Variants in DAB1 observed in about 807,000 individuals in gnomAD.
DAB1 encodes the protein DAB adaptor protein 1.
DAB1 carries 15 observed loss-of-function variants against 64.6 expected under a neutral mutation model. The observed-to-expected ratio is 0.23, with a 90% CI of 0.16 to 0.36. The LOEUF is 0.36. Ranked by LOEUF, DAB1 falls within the 10% of genes least tolerant of loss-of-function variation. DAB1 has a pLI of 1.00. For synonymous variants in DAB1, 235 were observed against 251.9 expected, an observed-to-expected ratio of 0.93 and a Z score of 0.64; for missense variants, 596 against 706.7, an observed-to-expected ratio of 0.84 and a Z score of 1.78.
At chr1:57,572,169 T>A (rs1645200694) in intron 7 of DAB1, among the ~76,000 whole-genome samples, 1 of 152,110 alleles carries the variant, frequency 6.6e-6, no homozygotes, top group Admixed American at 6.5e-5. Flanking sequence ...AAGCTTCAGG[T>A]GTGGGCAAGG....
downstream of DAB1, among the ~76,000 whole-genome samples, chr1:57,822,239 C>G (rs852769): frequency 0.67 from 101,199 of 152,162 alleles, 35,045 homozygotes; most frequent in African/African-American, 0.87. Flanking sequence ...TGCTGTCCAT[C>G]GTAATCATAA....
chr1:57,880,410 A>T (rs773375507), intron 1 of DAB1: 9 of 152,140 alleles, frequency 5.9e-5, no homozygotes, highest in Non-Finnish European at 1.2e-4. Flanking sequence ...TCATTTTCAT[A>T]CACTGTCATT....
At chr1:58,152,446 C>T (rs560323557) in intron 4 of DAB1, among the ~76,000 whole-genome samples, 9 of 152,314 alleles carry the variant, frequency 5.9e-5, no homozygotes, top group African/African-American at 1.9e-4. Context: ...AATGACATTG[C>T]CCATTGGCAC....
At position 57,695,384 on chromosome 1, in the gene DAB1, GAAA is replaced by G. The variant is rs1646826170; in HGVS notation, n.552-45722_552-45720del. 7.3e-4 allele frequency among the ~76,000 whole-genome samples: 55 copies of G among 75,248 alleles called. 3 individuals carry two copies. Among genetic ancestry groups the G allele is most frequent in the African/African-American group, 2.5e-3 (51 of 20,016 alleles). The allele number at this position is 75,248 out of a possible 152,430, so 49.4% of individuals were successfully genotyped here. A position where few individuals can be genotyped will look rare whatever the true frequency, so the allele number is the denominator to read the frequency against. On this transcript the variant is annotated intron_variant and non_coding_transcript_variant, in intron 6 of 20. Transcript: ENST00000485760. ...AAGAAGAAAGAAAGAAAGAAAGAAA[GAAA>G]GAAAGAAAGAAAGAAAGAAAGAAAG...
At chr1:57,563,237 G>A (rs565135732) in intron 7 of DAB1, among the ~76,000 whole-genome samples, 1 of 152,162 alleles carries the variant, frequency 6.6e-6, no homozygotes, top group Non-Finnish European at 1.5e-5. Context: ...AAATTGTCAT[G>A]AGTATTTTCT....
intron 4 of DAB1, among the ~76,000 whole-genome samples, chr1:57,130,848 T>G (rs575589829): frequency 8.5e-5 from 13 of 152,328 alleles, no homozygotes; most frequent in Admixed American, 3.9e-4. Flanking sequence ...AATTCGGTAT[T>G]ATGTATATGG....
At chr1:57,453,555 T>C (rs1335840831) in intron 7 of DAB1, among the ~76,000 whole-genome samples, 1 of 152,136 alleles carries the variant, frequency 6.6e-6, no homozygotes, top group Admixed American at 6.6e-5. Flanking sequence ...AAATAAATAC[T>C]CCTAACTACA....
At chr1:57,835,704 G>C (rs911159738) in intron 1 of DAB1, among the ~76,000 whole-genome samples, 3 of 152,194 alleles carry the variant, frequency 2.0e-5, no homozygotes, top group Admixed American at 6.5e-5. Flanking sequence ...TTGTGCCTAA[G>C]AGCTATTTTA....
chr1:57,416,830 G>A (rs2405997), intron 1 of DAB1, among the ~76,000 whole-genome samples: 7,227 of 152,172 alleles, frequency 0.047, 577 homozygotes, highest in African/African-American at 0.16. Context: ...AGTTAAAAGG[G>A]ACAGCTATAT....
At chr1:57,742,364 T>A (rs1648042603) in intron 6 of DAB1, among the ~76,000 whole-genome samples, 1 of 152,126 alleles carries the variant, frequency 6.6e-6, no homozygotes, top group African/African-American at 2.4e-5. Flanking sequence ...GAAAAATAGT[T>A]TTCTATCAAA....
intron 7 of DAB1, among the ~76,000 whole-genome samples, chr1:57,435,703 T>C (rs58763408): frequency 0.01 from 1,553 of 152,244 alleles, 22 homozygotes; most frequent in African/African-American, 0.036. Flanking sequence ...AGCTGTTATC[T>C]CCTATGATAA....
chr1:57,034,516 C>T (rs913505820), intron 9 of DAB1, among the ~76,000 whole-genome samples: 1 of 152,182 alleles, frequency 6.6e-6, no homozygotes, highest in African/African-American at 2.4e-5. Flanking sequence ...TGGCACATAG[C>T]AGTCCTCAAA....
intron 4 of DAB1, among the ~76,000 whole-genome samples, chr1:57,098,215 C>T (rs1364702371): frequency 6.6e-6 from 1 of 152,168 alleles, no homozygotes; most frequent in Admixed American, 6.6e-5. Flanking sequence ...TTCTCTCAGG[C>T]TTTTCAAAAT....
At chr1:58,009,083 G>A (rs1646630798) in intron 5 of DAB1, among the ~76,000 whole-genome samples, 2 of 152,108 alleles carry the variant, frequency 1.3e-5, no homozygotes, top group Admixed American at 1.3e-4. Context: ...ACCTACTAAT[G>A]TAAGCTAGGC....
chr1:58,246,863 T>G (rs1267393103), intron 4 of DAB1, among the ~76,000 whole-genome samples: 1 of 151,946 alleles, frequency 6.6e-6, no homozygotes, highest in Non-Finnish European at 1.5e-5. Flanking sequence ...TGTATGTGCA[T>G]AAGTGTGTAG....
chr1:57,207,802 A>T (rs1665709273), intron 2 of DAB1, among the ~76,000 whole-genome samples: 1 of 152,186 alleles, frequency 6.6e-6, no homozygotes, highest in Non-Finnish European at 1.5e-5. Context: ...TCTTCCAGCA[A>T]GGTGTCAAGT....
chr1:57,280,741 G>A (rs956753663), intron 2 of DAB1, among the ~76,000 whole-genome samples: 2 of 152,168 alleles, frequency 1.3e-5, no homozygotes, highest in Non-Finnish European at 2.9e-5. Context: ...AAAAGGAGAA[G>A]TAGCTGTCTG....
intron 8 of DAB1, among the ~76,000 whole-genome samples, chr1:57,068,166 C>T (rs1279247253): frequency 6.6e-6 from 1 of 152,096 alleles, no homozygotes; most frequent in Non-Finnish European, 1.5e-5. Flanking sequence ...AAAAGGGGCC[C>T]TCTCTTCTTA....
intron 5 of DAB1, among the ~76,000 whole-genome samples, chr1:58,003,840 G>A (rs886470341): frequency 2.6e-5 from 4 of 152,192 alleles, no homozygotes; most frequent in Non-Finnish European, 5.9e-5. Context: ...CAGAGTAGCT[G>A]TCCAGTTTTG....
Sources: allele counts gnomAD v4.1 joint callset (sites outside exome capture counted in the v4.1 genomes callset), GRCh38; gene constraint gnomAD v4.1.1; transcripts MANE v1.5; gene names NCBI Gene and HGNC (gene_info 2026-07-23, HGNC 2026-07-21).